ZNF2: variants seen among roughly 807,000 people sequenced by gnomAD.
ZNF2 encodes zinc finger protein 2.2.
A neutral mutation model predicts 21.9 loss-of-function variants in ZNF2; 12 were observed. The ratio of observed to expected loss-of-function variants is 0.55; its 90% CI spans 0.35 to 0.89. The LOEUF (loss-of-function observed/expected upper bound fraction) is 0.89, where lower values mean the gene tolerates loss of function less well. Among genes scored for constraint, ZNF2 ranks in the 40% least tolerant of loss-of-function variants. ZNF2 has a pLI of 0.01. For synonymous variants in ZNF2, 186 were observed against 196.3 expected (o/e 0.95, Z 0.44); for missense variants, 462 against 544.2 (o/e 0.85, Z 1.50).
At chr2:95,178,545 G>C (rs1437315659) in intron 3 of ZNF2, among the ~76,000 whole-genome samples, 1 of 152,172 alleles carries the variant, frequency 6.6e-6, no homozygotes, top group Non-Finnish European at 1.5e-5. Flanking sequence ...TGGCCGTTTT[G>C]TCAACAGAGA....
chr2:95,182,287 C>A lies in ZNF2; in HGVS notation c.*181C>A. 2 of 736,136 alleles carry A rather than the reference C, an allele frequency of 2.7e-6. No individual in the cohort carries two copies. Among genetic ancestry groups the A allele is most frequent in the Non-Finnish European group, 4.2e-6 (2 of 477,758 alleles). 45.6% of individuals were successfully genotyped at this position (736,136 alleles called of 1,614,324 possible). ...CTGTGTTATAGAACTGTAGGGGAGGCCATGGAAATGACTCTAAAGATACAA... is the reference window on the plus strand; with the variant it reads ...CTGTGTTATAGAACTGTAGGGGAGGACATGGAAATGACTCTAAAGATACAA... On this transcript the variant is annotated 3_prime_UTR_variant, in exon 5 of 5. Coordinates refer to ENST00000614034, the MANE Select transcript of ZNF2 (RefSeq NM_021088.4).
Position 95,182,167 on chromosome 2 carries a change from G to A in ZNF2, c.*61G>A. 2 of 1,527,834 alleles carry A rather than the reference G, an allele frequency of 1.3e-6. No homozygotes were observed. The highest frequency in any genetic ancestry group is 1.8e-6 in the Non-Finnish European group (2 of 1,139,756). The allele number at this position is 1,527,834 out of a possible 1,614,324, so 94.6% of individuals were successfully genotyped here. A position where few individuals can be genotyped will look rare whatever the true frequency, so the allele number is the denominator to read the frequency against. ...TACAAATTTGAGATAGATCTCGCCT[G>A]TCTTAAAGCTGCCATTTGCTCATTC... On this transcript the variant is annotated 3_prime_UTR_variant, in exon 5 of 5. Transcript: ENST00000614034.
chr2:95,174,082 T>C (rs939320969), intron 1 of ZNF2, among the ~76,000 whole-genome samples: 2 of 152,228 alleles, frequency 1.3e-5, no homozygotes, highest in African/African-American at 4.8e-5. Context: ...CTCCAGATGT[T>C]TAAGGTATTT....
rs74564353 is a variant in ZNF2 at position 95,168,556 on chromosome 2, C to T, written c.-40+2696C>T. Among the ~76,000 whole-genome samples the T allele has an allele frequency of 5.4e-4, 82 of 152,300 alleles. 1 individual carries two copies. In the East Asian group the frequency reaches 0.012, roughly 23 times the overall value. On this transcript the variant is annotated intron_variant, in intron 1 of 4. Coordinates refer to ENST00000614034, the MANE Select transcript of ZNF2 (RefSeq NM_021088.4). ...AGACAGACATTTCTGTCTTGTTGAC[C>T]TCACACATCTCGCTGCCCTAGCACA...
At chr2:95,171,379 CTTCT>C (rs1226780406) in intron 1 of ZNF2, among the ~76,000 whole-genome samples, 72 of 151,250 alleles carry the variant, frequency 4.8e-4, no homozygotes, top group African/African-American at 1.7e-3. Flanking sequence ...TTTTCTTCTT[CTTCT>C]TTTTTTTTTT....
Position 95,168,424 on chromosome 2 carries a change from C to CA in ZNF2, c.-40+2582dup, listed in dbSNP as rs5832794. Among the ~76,000 whole-genome samples, 911 of 115,716 alleles carry CA rather than the reference C, an allele frequency of 7.9e-3. 8 individuals are homozygous for CA. Among genetic ancestry groups the CA allele is most frequent in the Middle Eastern group, 0.025 (5 of 200 alleles). The allele number at this position is 115,716 out of a possible 152,430, so 75.9% of individuals were successfully genotyped here. On this transcript the variant is annotated intron_variant, in intron 1 of 4. Transcript: ENST00000614034. ...TGGGCGACAGAGCCAGACTCCGTCT[C>CA]AAAAAAAAAAAAAAAAAATACTGGG...
intron 1 of ZNF2, among the ~76,000 whole-genome samples, chr2:95,171,657 A>C (rs1222821675): frequency 6.6e-6 from 1 of 152,212 alleles, no homozygotes; most frequent in Non-Finnish European, 1.5e-5. Flanking sequence ...CTGAGATTAC[A>C]GGCGTGAGCC....
At chr2:95,172,287 A>C in intron 1 of ZNF2, among the ~76,000 whole-genome samples, 1 of 152,174 alleles carries the variant, frequency 6.6e-6, no homozygotes. Flanking sequence ...GACCACCGTT[A>C]TCTCTTAGGG....
intron 1 of ZNF2, among the ~76,000 whole-genome samples, chr2:95,167,405 C>CT (rs1431864158): frequency 1.3e-5 from 2 of 148,940 alleles, no homozygotes; most frequent in African/African-American, 5.0e-5. Context: ...ACTCGGGAGG[C>CT]TGAGGCAGGA....
intron 1 of ZNF2, among the ~76,000 whole-genome samples, chr2:95,173,986 G>C (rs1674362124): frequency 6.6e-6 from 1 of 152,200 alleles, no homozygotes; most frequent in South Asian, 2.1e-4. Flanking sequence ...TGGGATTACA[G>C]GCGTGAGCCA....
chr2:95,183,864 C>T lies in ZNF2; in HGVS notation c.*1758C>T, dbSNP rs1262343847. On this transcript the variant is annotated 3_prime_UTR_variant, in exon 5 of 5. Coordinates refer to ENST00000614034, the MANE Select transcript of ZNF2 (RefSeq NM_021088.4). The stretch of plus-strand genomic sequence containing the variant: ...CTCAATCTCCTGACCTCGTGATCCG[C>T]CCGCCTCGGCCTCCCAAAGTGCTGG... The T allele has an allele frequency of 6.6e-6, 1 of 152,052 alleles. No individual in the cohort carries two copies. The highest frequency in any genetic ancestry group is 1.5e-5 in the Non-Finnish European group (1 of 68,030). The allele number at this position is 152,052 out of a possible 1,614,324, so 9.4% of individuals were successfully genotyped here. A position where few individuals can be genotyped will look rare whatever the true frequency, so the allele number is the denominator to read the frequency against.
chr2:95,182,195 C>A lies in ZNF2; in HGVS notation c.*89C>A. On this transcript the variant is annotated 3_prime_UTR_variant, in exon 5 of 5. Transcript: ENST00000614034. The stretch of plus-strand genomic sequence containing the variant: ...TTAAAGCTGCCATTTGCTCATTCTA[C>A]CCACTCTGGCTGCCGTTGTCCTGTC... 6.8e-7 allele frequency: 1 copy of A among 1,478,564 alleles called. No homozygotes were observed. The highest frequency in any genetic ancestry group is 9.0e-7 in the Non-Finnish European group (1 of 1,105,032). The allele number at this position is 1,478,564 out of a possible 1,614,324, so 91.6% of individuals were successfully genotyped here. A position where few individuals can be genotyped will look rare whatever the true frequency, so the allele number is the denominator to read the frequency against.
chr2:95,178,227 C>T (rs967208820), intron 3 of ZNF2, among the ~76,000 whole-genome samples: 3 of 152,150 alleles, frequency 2.0e-5, no homozygotes, highest in African/African-American at 7.2e-5. Context: ...AGTTGGGCTC[C>T]TGGAGGTTAT....
Position 95,181,982 on chromosome 2 carries a change from C to G in ZNF2, c.1154C>G (p.Thr385Arg), listed in dbSNP as rs369589011. ...GKAFSQRCRLTRHQRVHTGEK... is the reference protein window; with the variant it reads ...GKAFSQRCRLRRHQRVHTGEK... ...GCCTTTAGCCAGCGGTGCCGGCTCA[C>G]GCGGCATCAGCGTGTCCACACGGGA... The change falls in exon 5 of 5, where the codon ACG becomes AGG. Residue 385 changes from threonine to arginine, a missense_variant. Coordinates refer to ENST00000614034, the MANE Select transcript of ZNF2 (RefSeq NM_021088.4). 6.2e-7 allele frequency: 1 copy of G among 1,614,180 alleles called. No individual in the cohort carries two copies. The highest frequency in any genetic ancestry group is 8.5e-7 in the Non-Finnish European group (1 of 1,180,066).
chr2:95,174,194 G>A (rs902374984), intron 1 of ZNF2, among the ~76,000 whole-genome samples: 3 of 152,238 alleles, frequency 2.0e-5, no homozygotes, highest in Non-Finnish European at 4.4e-5. Context: ...TAGTGTTAAT[G>A]ATGAGTCATA....
rs75229243 is a variant in ZNF2 at position 95,166,013 on chromosome 2, G to T, written c.-40+153G>T. On this transcript the variant is annotated intron_variant, in intron 1 of 4. Transcript: ENST00000614034. ...GCGTGTGTCGCGACGTCTCGGTGCG[G>T]ACGGAAAGTTGTGCATCCACCCCCG... Among the ~76,000 whole-genome samples the T allele has an allele frequency of 2.9e-3, 449 of 152,250 alleles. 3 individuals carry two copies. Among genetic ancestry groups the T allele is most frequent in the South Asian group, 0.022 (105 of 4,810 alleles).
At chr2:95,171,449 C>T (rs909081349) in intron 1 of ZNF2, among the ~76,000 whole-genome samples, 12 of 150,084 alleles carry the variant, frequency 8.0e-5, no homozygotes, top group Admixed American at 2.0e-4. Flanking sequence ...GTGGTGTGAT[C>T]TCGGCTCACT....
intron 3 of ZNF2, among the ~76,000 whole-genome samples, chr2:95,179,864 G>A (rs1293076259): frequency 2.0e-5 from 3 of 152,122 alleles, no homozygotes; most frequent in Non-Finnish European, 4.4e-5. Context: ...CGAAACCAGC[G>A]TGGCCATGAT....
chr2:95,171,651 G>C (rs953410089), intron 1 of ZNF2, among the ~76,000 whole-genome samples: 3 of 152,226 alleles, frequency 2.0e-5, no homozygotes, highest in African/African-American at 4.8e-5. Flanking sequence ...AAAGTGCTGA[G>C]ATTACAGGCG....
Sources: allele counts gnomAD v4.1 joint callset (sites outside exome capture counted in the v4.1 genomes callset), GRCh38; gene constraint gnomAD v4.1.1; transcripts MANE v1.5; gene names NCBI Gene and HGNC (gene_info 2026-07-23, HGNC 2026-07-21).